Variants in SPINT1 observed in about 807,000 individuals in gnomAD.
The protein encoded by SPINT1 is kunitz-type protease inhibitor 1.
Under a neutral mutation model 53.7 loss-of-function variants are expected in SPINT1, and 38 were observed. That is an observed-to-expected ratio of 0.71 (90% confidence interval 0.55 to 0.93). The LOEUF (loss-of-function observed/expected upper bound fraction) is 0.93. Ranked by LOEUF, SPINT1 falls within the 40% of genes least tolerant of loss-of-function variation. The pLI is 0.00. For missense variants in SPINT1, 645 were observed against 692.9 expected, an observed-to-expected ratio of 0.93 and a Z score of 0.78; for synonymous variants, 283 against 280.6, an observed-to-expected ratio of 1.01 and a Z score of -0.08.
chr15:40,844,080 C>A lies in SPINT1; in HGVS notation c.-172C>A. On this transcript the variant is annotated 5_prime_UTR_variant, in exon 1 of 11. Coordinates refer to ENST00000562057, the MANE Select transcript of SPINT1 (RefSeq NM_003710.4). This position sits in a 1 kb window ranked among gnomAD's most constrained non-coding sequence, Gnocchi z 5.8. ...CCAGAAACCAGGGGGAGAAGGCGGC[C>A]GAGCCCCAGCTCTCCGAGCACCGGG... 2.3e-6 allele frequency: 1 copy of A among 430,604 alleles called. No individual in the cohort carries two copies. The highest frequency in any genetic ancestry group is 4.6e-6 in the Non-Finnish European group (1 of 217,332). The allele number at this position is 430,604 out of a possible 1,614,324, so 26.7% of individuals were successfully genotyped here.
At chr15:40,852,077 A>G (rs1188406042) in intron 2 of SPINT1, among the ~76,000 whole-genome samples, 2 of 152,238 alleles carry the variant, frequency 1.3e-5, no homozygotes, top group Non-Finnish European at 2.9e-5. Context: ...GGAGGCCAGA[A>G]GCCCCACATC....
Position 40,844,878 on chromosome 15 carries a change from C to T in SPINT1, c.324C>T (p.Arg108=), listed in dbSNP as rs1891238500. 1 of 1,613,900 alleles carries T rather than the reference C, an allele frequency of 6.2e-7. No homozygotes were observed. The highest frequency in any genetic ancestry group is 1.3e-5 in the African/African-American group (1 of 75,070). The part of the protein sequence containing the change: ...NLALVELQPD[R]GEDAIAACFL... ...CGCTAGTGGAGCTGCAGCCCGACCG[C>T]GGGGAGGACGCCATCGCCGCCTGCT... Residue 108 remains arginine, a synonymous_variant, in exon 2 of 11, where the codon CGC becomes CGT. Transcript: ENST00000562057. This position sits in a 1 kb window ranked among gnomAD's most constrained non-coding sequence, Gnocchi z 5.8.
Position 40,844,744 on chromosome 15 carries a change from G to A in SPINT1, c.190G>A (p.Asp64Asn), listed in dbSNP as rs1438261115. 3 of 1,610,796 alleles carry A rather than the reference G, an allele frequency of 1.9e-6. No homozygotes were observed. In the East Asian group the frequency reaches 6.7e-5, roughly 36 times the overall value. The change falls in exon 2 of 11, where the codon GAC becomes AAC. Residue 64 changes from aspartate (D) to asparagine (N), a missense_variant. Asp to Asn is a conservative substitution (Grantham distance 23). Transcript: ENST00000562057. The surrounding 1 kb of genome is among the most constrained non-coding windows in gnomAD (Gnocchi z 5.8). ...FTAGVPGFVL[D>N]TNASVSNGAT... is the part of the protein sequence containing the mutation. ...CGCCGGGGTGCCTGGCTTCGTGCTG[G>A]ACACCAACGCCTCGGTCAGCAACGG... is the stretch of plus-strand genomic sequence containing the variant.
In SPINT1 at chr15:40,854,493, A is replaced by G. The variant is rs2142014745; in HGVS notation, c.1037A>G (p.Asp346Gly). 6.2e-7 allele frequency: 1 copy of G among 1,613,384 alleles called. No homozygotes were observed. The highest frequency in any genetic ancestry group is 1.7e-4 in the Middle Eastern group (1 of 6,054). The change falls in exon 7 of 11, where the codon GAC (aspartate) becomes GGC (glycine). Residue 346 changes from aspartate to glycine, a missense_variant. Asp to Gly is a moderately conservative substitution (Grantham distance 94, BLOSUM62 -1). Transcript: ENST00000562057. The stretch of plus-strand genomic sequence containing the variant: ...TGTGACGACACCCCCAACTGCCCCG[A>G]CGCCTCCGACGAGGCTGCCTGTGAA... ...LECDDTPNCP[D>G]ASDEAACEKY...
At position 40,844,473 on chromosome 15, in the gene SPINT1, C is replaced by G. The variant is rs779081337; in HGVS notation, c.-65-17C>G. ...GATCAGGTGTGTCTCCTCCTCTGTC[C>G]CCTCCCTTCTTCTCAGGTCACCAGC... On this transcript the variant is annotated splice_polypyrimidine_tract_variant and intron_variant, in intron 1 of 10. Coordinates refer to ENST00000562057, the MANE Select transcript of SPINT1 (RefSeq NM_003710.4). This position sits in a 1 kb window ranked among gnomAD's most constrained non-coding sequence, Gnocchi z 5.8. 3.1e-5 allele frequency: 43 copies of G among 1,374,058 alleles called. No homozygotes were observed. Among genetic ancestry groups the G allele is most frequent in the Non-Finnish European group, 4.1e-5 (40 of 968,018 alleles). The allele number at this position is 1,374,058 out of a possible 1,614,324, so 85.1% of individuals were successfully genotyped here.
chr15:40,854,628 C>A lies in SPINT1; in HGVS notation c.1067-11C>A, dbSNP rs1324494563. On this transcript the variant is annotated splice_polypyrimidine_tract_variant and intron_variant, in intron 7 of 10. Transcript: ENST00000562057. ...TGTTGGGTCTGAGACTCTGACCTTT[C>A]CTCTCTGCAGACACGAGTGGCTTTG... The A allele has an allele frequency of 1.2e-6, 2 of 1,614,126 alleles. No homozygotes were observed. The highest frequency in any genetic ancestry group is 3.3e-4 in the Middle Eastern group (2 of 6,084).
chr15:40,848,150 G>A (rs1891350585), intron 2 of SPINT1, among the ~76,000 whole-genome samples: 1 of 152,062 alleles, frequency 6.6e-6, no homozygotes, highest in Admixed American at 6.5e-5. Context: ...CCCTTTTGCT[G>A]TCATTGTGCA....
In SPINT1 at chr15:40,857,626, G is replaced by A. The variant is rs1049598; in HGVS notation, c.*651G>A. ...GTTCTCCAACATCACAGCCCAGCCCGCCCACTGGGTAATAAAAGTGGTTTG... is the reference window on the plus strand; with the variant it reads ...GTTCTCCAACATCACAGCCCAGCCCACCCACTGGGTAATAAAAGTGGTTTG... On this transcript the variant is annotated 3_prime_UTR_variant, in exon 11 of 11. Transcript: ENST00000562057. The A allele has an allele frequency of 0.66, 100,566 of 152,180 alleles. 37,034 individuals carry two copies. Among genetic ancestry groups the A allele is most frequent in the Non-Finnish European group, 0.8 (54,198 of 68,096 alleles). The allele number at this position is 152,180 out of a possible 1,614,324, so 9.4% of individuals were successfully genotyped here. A position where few individuals can be genotyped will look rare whatever the true frequency, so the allele number is the denominator to read the frequency against.
chr15:40,854,934 G>A (rs1350645284), intron 8 of SPINT1, among the ~76,000 whole-genome samples: 2 of 152,142 alleles, frequency 1.3e-5, no homozygotes, highest in East Asian at 1.9e-4. Flanking sequence ...CTTCAGCCAT[G>A]TCCACCACAT....
chr15:40,851,559 T>C (rs1596149510), intron 2 of SPINT1, among the ~76,000 whole-genome samples: 1 of 151,892 alleles, frequency 6.6e-6, no homozygotes, highest in Non-Finnish European at 1.5e-5. Flanking sequence ...CCTTGCCTTA[T>C]CCCCCTAGCC....
rs764578411 is a variant in SPINT1 at position 40,844,950 on chromosome 15, G to C, written c.396G>C (p.Ala132=). 1.9e-6 allele frequency: 3 copies of C among 1,613,966 alleles called. No individual in the cohort carries two copies. Residue 132 remains alanine (A), a synonymous_variant, in exon 2 of 11, where the codon GCG becomes GCC. Coordinates refer to ENST00000562057, the MANE Select transcript of SPINT1 (RefSeq NM_003710.4). The surrounding 1 kb of genome is among the most constrained non-coding windows in gnomAD (Gnocchi z 5.8). ...AGCAGAACTTCGTGTGCAAGTTCGC[G>C]CCCAGGGAGGGCTTCATCAACTACC... The part of the protein sequence containing the change: ...LYEQNFVCKF[A]PREGFINYLT...
chr15:40,851,092 G>A (rs973060772), intron 2 of SPINT1, among the ~76,000 whole-genome samples: 17 of 152,050 alleles, frequency 1.1e-4, no homozygotes, highest in African/African-American at 3.9e-4. Context: ...CAAGCCCAGC[G>A]AACTGGCCTT....
intron 2 of SPINT1, among the ~76,000 whole-genome samples, chr15:40,849,655 T>C (rs183330451): frequency 9.6e-4 from 146 of 152,354 alleles, no homozygotes; most frequent in Non-Finnish European, 1.6e-3. Flanking sequence ...GGATAACCTA[T>C]AGAATTACGT....
At chr15:40,845,323 T>TTA (rs1891260459) in intron 2 of SPINT1, among the ~76,000 whole-genome samples, 1 of 115,840 alleles carries the variant, frequency 8.6e-6, no homozygotes, top group Non-Finnish European at 1.8e-5. Flanking sequence ...GGCTAATTTT[T>TTA]TTTTTTTTTT....
rs1418820560 is a variant in SPINT1, at chr15:40,856,281, G to A, written c.1294G>A (p.Asp432Asn). The change falls in exon 10 of 11, where the codon GAT becomes AAT. Residue 432 changes from aspartate (D) to asparagine (N), a missense_variant. Physicochemically the swap from Asp to Asn is conservative, Grantham distance 23. Transcript: ENST00000562057. ...LESCRGISKK[D>N]VFGLRREIPI... ...TTCCCCTCATCATTCTGCAGAGAAG[G>A]ATGTGTTTGGCCTGAGGCGGGAAAT... 2 of 1,614,042 alleles carry A rather than the reference G, an allele frequency of 1.2e-6. No individual in the cohort carries two copies. Among genetic ancestry groups the A allele is most frequent in the African/African-American group, 1.3e-5 (1 of 74,916 alleles).
chr15:40,844,130 C>T lies in SPINT1; in HGVS notation c.-122C>T. 2.3e-6 allele frequency: 1 copy of T among 438,984 alleles called. No individual in the cohort carries two copies. The highest frequency in any genetic ancestry group is 4.5e-6 in the Non-Finnish European group (1 of 222,750). 27.2% of individuals were successfully genotyped at this position (438,984 alleles called of 1,614,324 possible). On this transcript the variant is annotated 5_prime_UTR_variant, in exon 1 of 11. Transcript: ENST00000562057. This position sits in a 1 kb window ranked among gnomAD's most constrained non-coding sequence, Gnocchi z 5.8. ...GTCGGAAGCCGCGACCCGAGCCGCG[C>T]AGGAAGCTGGGACCGGAACCTCGGC...
At chr15:40,852,109 T>C (rs1252007051) in intron 2 of SPINT1, among the ~76,000 whole-genome samples, 2 of 152,212 alleles carry the variant, frequency 1.3e-5, no homozygotes, top group Non-Finnish European at 2.9e-5. Context: ...AGGGCTGTGC[T>C]CCCTCCAAAG....
At chr15:40,846,850 G>A (rs1448760431) in intron 2 of SPINT1, among the ~76,000 whole-genome samples, 7 of 152,200 alleles carry the variant, frequency 4.6e-5, no homozygotes, top group African/African-American at 1.7e-4. Context: ...GATGGGAGGG[G>A]GACATATCTG....
At chr15:40,854,133 G>T in intron 6 of SPINT1, 47 bp downstream of exon 6, 1 of 1,515,632 alleles carries the variant, frequency 6.6e-7, no homozygotes. Flanking sequence ...CACATCTCTA[G>T]CCCATATCAT....
Sources: gnomAD v4.1 joint callset for allele counts (sites outside exome capture counted in the v4.1 genomes callset) on GRCh38, gnomAD v4.1.1 for gene constraint, Gnocchi (gnomAD v3.1) non-coding constraint, MANE v1.5 for transcripts, NCBI Gene and HGNC (gene_info 2026-07-23, HGNC 2026-07-21) for gene names.